The following ZNF652 variants were observed in gnomAD, a reference collection of about 807,000 sequenced individuals.
ZNF652 encodes the protein zinc finger protein 652.
In ZNF652, 16 loss-of-function variants were observed where a neutral mutation model predicts 45.2. The ratio of observed to expected loss-of-function variants is 0.35; its 90% CI spans 0.24 to 0.54. The LOEUF (loss-of-function observed/expected upper bound fraction) is 0.54, where lower values mean the gene tolerates loss of function less well. ZNF652 is among the 20% of genes least tolerant of loss of function. The pLI, the probability that ZNF652 is intolerant of heterozygous loss-of-function variation, is 0.91. For missense variants in ZNF652, 614 were observed against 765.6 expected, an observed-to-expected ratio of 0.80 and a Z score of 2.34; for synonymous variants, 250 against 260.6, an observed-to-expected ratio of 0.96 and a Z score of 0.39.
intron 1 of ZNF652, among the ~76,000 whole-genome samples, chr17:49,360,229 G>A (rs2070378413): frequency 1.3e-5 from 2 of 152,054 alleles, no homozygotes; most frequent in Admixed American, 6.6e-5. Flanking sequence ...ATTGCTCAGG[G>A]CCAGACAATG....
rs1019817330 is a variant in ZNF652 at position 49,362,024 on chromosome 17, C to A, written c.-374G>T. On this transcript the variant is annotated 5_prime_UTR_variant, in exon 1 of 6. Coordinates refer to ENST00000430262, the MANE Select transcript of ZNF652 (RefSeq NM_001145365.3). The stretch of plus-strand genomic sequence containing the variant: ...ACAACCGCCGGCTGGGCCAGCCCCT[C>A]CCCCCCTGCCCAACGTCTGTCCTCA... 3 of 149,370 alleles carry A rather than the reference C, an allele frequency of 2.0e-5. No homozygotes were observed. The highest frequency in any genetic ancestry group is 7.3e-5 in the African/African-American group (3 of 41,094). 9.3% of individuals were successfully genotyped at this position (149,370 alleles called of 1,614,324 possible). A position where few individuals can be genotyped will look rare whatever the true frequency, so the allele number is the denominator to read the frequency against.
chr17:49,348,106 T>C (rs1172071661), intron 1 of ZNF652, among the ~76,000 whole-genome samples: 4 of 152,140 alleles, frequency 2.6e-5, no homozygotes, highest in Non-Finnish European at 5.9e-5. Context: ...TAAAAGGGAC[T>C]GAGGAACATA....
intron 1 of ZNF652, among the ~76,000 whole-genome samples, chr17:49,351,921 A>G (rs1190028889): frequency 6.6e-6 from 1 of 152,128 alleles, no homozygotes. Context: ...CAGGAGTTCA[A>G]GGCTGCAGTG....
intron 1 of ZNF652, among the ~76,000 whole-genome samples, chr17:49,339,123 A>T (rs1230850974): frequency 6.6e-6 from 1 of 151,922 alleles, no homozygotes; most frequent in African/African-American, 2.4e-5. Context: ...TAAAAGTGTG[A>T]TCAGGAGGGG....
intron 5 of ZNF652, among the ~76,000 whole-genome samples, chr17:49,300,210 T>C (rs1014086739): frequency 6.6e-6 from 1 of 152,200 alleles, no homozygotes; most frequent in African/African-American, 2.4e-5. Flanking sequence ...CCTCATTATG[T>C]GGGACTATCT....
At chr17:49,303,247 CTTT>C (rs779042339) in intron 5 of ZNF652, among the ~76,000 whole-genome samples, 12 of 121,786 alleles carry the variant, frequency 9.9e-5, no homozygotes, top group Non-Finnish European at 1.8e-4. Flanking sequence ...TTACGCTTAT[CTTT>C]TTTTTTTTGA....
At chr17:49,341,081 GGCTCCTGTAATCCCA>G (rs2070140162) in intron 1 of ZNF652, among the ~76,000 whole-genome samples, 1 of 151,958 alleles carries the variant, frequency 6.6e-6, no homozygotes, top group Non-Finnish European at 1.5e-5. Flanking sequence ...TATGGTGGCA[GGCTCCTGTAATCCCA>G]GCTACTCAGG....
intron 5 of ZNF652, among the ~76,000 whole-genome samples, chr17:49,300,223 C>G (rs961748334): frequency 7.2e-5 from 11 of 152,276 alleles, no homozygotes; most frequent in African/African-American, 2.4e-4. Flanking sequence ...GACTATCTGG[C>G]ACCCAGCATT....
chr17:49,341,371 G>A (rs2143883220), intron 1 of ZNF652, among the ~76,000 whole-genome samples: 1 of 151,804 alleles, frequency 6.6e-6, no homozygotes, highest in Admixed American at 6.6e-5. Flanking sequence ...AAAGATGGAT[G>A]GCTGGGCAAG....
chr17:49,351,012 TATACACACACACACACAC>T (rs1353399292), intron 1 of ZNF652, among the ~76,000 whole-genome samples: 38 of 20,282 alleles, frequency 1.9e-3, no homozygotes, highest in Non-Finnish European at 2.5e-3. Flanking sequence ...TATATATATA[TATACACACACACACACAC>T]ACACACACAC....
intron 1 of ZNF652, among the ~76,000 whole-genome samples, chr17:49,331,805 C>T (rs1264746525): frequency 6.6e-6 from 1 of 152,036 alleles, no homozygotes; most frequent in Non-Finnish European, 1.5e-5. Flanking sequence ...CAAAAATTAA[C>T]ATTTTGTATA....
At chr17:49,327,773 ATATATATTTTTTT>A (rs2069979342) in intron 1 of ZNF652, among the ~76,000 whole-genome samples, 1 of 2,840 alleles carries the variant, frequency 3.5e-4, no homozygotes, top group Non-Finnish European at 7.8e-4. Context: ...ATATATATAT[ATATATATTTTTTT>A]TTTTTTTTTT....
In ZNF652 at chr17:49,294,620, A is replaced by C. The variant is rs1370323635; in HGVS notation, c.*3793T>G. 6.6e-6 allele frequency: 1 copy of C among 152,228 alleles called. No individual in the cohort carries two copies. The highest frequency in any genetic ancestry group is 1.5e-5 in the Non-Finnish European group (1 of 68,036). 9.4% of individuals were successfully genotyped at this position (152,228 alleles called of 1,614,324 possible). On this transcript the variant is annotated 3_prime_UTR_variant, in exon 6 of 6. Coordinates refer to ENST00000430262, the MANE Select transcript of ZNF652 (RefSeq NM_001145365.3). ...AAGGAAGAGTTTATATTTTACTGAT[A>C]AATCTATGAGAGAAAATAGAAAAAT...
intron 1 of ZNF652, among the ~76,000 whole-genome samples, chr17:49,333,766 C>A (rs570291478): frequency 6.7e-6 from 1 of 148,274 alleles, no homozygotes; most frequent in Non-Finnish European, 1.5e-5. Context: ...ATGGCCAATG[C>A]GTAAAGGAAA....
At chr17:49,345,190 T>C (rs1248904111) in intron 1 of ZNF652, among the ~76,000 whole-genome samples, 2 of 151,426 alleles carry the variant, frequency 1.3e-5, no homozygotes, top group Non-Finnish European at 2.9e-5. Context: ...GTAAGGAAGT[T>C]ATCTAGATTT....
intron 2 of ZNF652, among the ~76,000 whole-genome samples, chr17:49,314,975 C>G (rs2069778167): frequency 6.6e-6 from 1 of 151,806 alleles, no homozygotes; most frequent in South Asian, 2.1e-4. Context: ...GCTCAGGCAA[C>G]CCTCCCAAAG....
chr17:49,303,984 G>T (rs923051203), intron 5 of ZNF652, among the ~76,000 whole-genome samples: 6 of 151,536 alleles, frequency 4.0e-5, no homozygotes, highest in African/African-American at 1.5e-4. Context: ...CACCTCTCAG[G>T]TTCATGCCAT....
intron 1 of ZNF652, among the ~76,000 whole-genome samples, chr17:49,354,753 G>C (rs1374712717): frequency 1.3e-5 from 2 of 151,604 alleles, no homozygotes; most frequent in East Asian, 1.9e-4. Flanking sequence ...TTGAGATGGA[G>C]TCTCAACTGT....
intron 3 of ZNF652, among the ~76,000 whole-genome samples, 173 bp downstream of exon 3, chr17:49,312,525 G>A (rs573511028): frequency 1.3e-3 from 203 of 152,250 alleles, no homozygotes; most frequent in Middle Eastern, 6.8e-3. Context: ...AAAGCTGGGT[G>A]TGGAAGACTA....
Sources: gnomAD v4.1 joint callset for allele counts (sites outside exome capture counted in the v4.1 genomes callset) on GRCh38, gnomAD v4.1.1 for gene constraint, MANE v1.5 for transcripts, NCBI Gene and HGNC (gene_info 2026-07-23, HGNC 2026-07-21) for gene names.